Variants in PDE2A observed in about 807,000 individuals in gnomAD.
PDE2A encodes the protein cGMP-dependent 3',5'-cyclic phosphodiesterase.
In PDE2A, 53 loss-of-function variants were observed where a neutral mutation model predicts 133.6. That is an observed-to-expected ratio of 0.40 (90% CI 0.32 to 0.50). PDE2A has a LOEUF of 0.50. Ranked by LOEUF, PDE2A falls within the 20% of genes least tolerant of loss-of-function variation. The pLI, the probability that PDE2A is intolerant of heterozygous loss-of-function variation, is 0.73. For missense variants in PDE2A, 796 were observed against 1,232.4 expected (o/e 0.65, Z 5.30); for synonymous variants, 491 against 490.2 (o/e 1.00, Z -0.02).
Position 72,577,338 on chromosome 11 carries a change from A to G in PDE2A, c.*46T>C, listed in dbSNP as rs1180231232. The G allele has an allele frequency of 5.5e-6, 8 of 1,452,274 alleles. No homozygotes were observed. Among genetic ancestry groups the G allele is most frequent in the African/African-American group, 1.4e-5 (1 of 72,098 alleles). 90.0% of individuals were successfully genotyped at this position (1,452,274 alleles called of 1,614,324 possible). On this transcript the variant is annotated 3_prime_UTR_variant, in exon 31 of 31. Transcript: ENST00000334456. ...CCAGTGCATCTGGCCAGACCAGTGG[A>G]GGGCTGTGGGAGGTGGCCTGGGCAG...
chr11:72,620,314 CCCCAAGG>C (rs1004897600), intron 2 of PDE2A, among the ~76,000 whole-genome samples: 1 of 152,162 alleles, frequency 6.6e-6, no homozygotes, highest in Non-Finnish European at 1.5e-5. Context: ...AGTGCTCCCT[CCCCAAGG>C]CCCAGGAGAA....
intron 2 of PDE2A, among the ~76,000 whole-genome samples, chr11:72,639,835 C>A (rs1214830534): frequency 6.6e-6 from 1 of 152,112 alleles, no homozygotes; most frequent in African/African-American, 2.4e-5. Flanking sequence ...TCTCTAGGGA[C>A]CTGATCAGGA....
intron 2 of PDE2A, chr11:72,631,144 A>G: frequency 6.5e-7 from 1 of 1,544,006 alleles, no homozygotes; most frequent in Non-Finnish European, 8.7e-7. Context: ...GGCTGGCTGC[A>G]GAGACAAGAA....
chr11:72,620,832 G>T (rs1339873089), intron 2 of PDE2A, among the ~76,000 whole-genome samples: 1 of 151,904 alleles, frequency 6.6e-6, no homozygotes, highest in Non-Finnish European at 1.5e-5. Flanking sequence ...GCAGGAGGGG[G>T]TATCGCTGAC....
intron 2 of PDE2A, among the ~76,000 whole-genome samples, chr11:72,631,903 C>G (rs1456843588): frequency 6.6e-6 from 1 of 152,072 alleles, no homozygotes; most frequent in African/African-American, 2.4e-5. Context: ...CAAGCCTACT[C>G]AGGCATCGGA....
At chr11:72,580,047 G>A (rs1343958297) in intron 25 of PDE2A, among the ~76,000 whole-genome samples, 1 of 152,142 alleles carries the variant, frequency 6.6e-6, no homozygotes, top group African/African-American at 2.4e-5. Context: ...GGGGGCAGAG[G>A]GCAGAACCAG....
Position 72,586,155 on chromosome 11 carries a change from A to G in PDE2A, c.1097T>C (p.Ile366Thr). Residue 366 changes from isoleucine to threonine, a missense_variant, in exon 14 of 31, where the codon ATC becomes ACC. Transcript: ENST00000334456. ...DLFTDEDEHV[I>T]QHCFHYTSTV... ...GCTGGTGTAGTGGAAGCAGTGCTGGATCACATGCTCGTCCTCGTCGGTGAA... is the reference window on the plus strand; with the variant it reads ...GCTGGTGTAGTGGAAGCAGTGCTGGGTCACATGCTCGTCCTCGTCGGTGAA... 1 of 1,612,372 alleles carries G rather than the reference A, an allele frequency of 6.2e-7. No homozygotes were observed. Among genetic ancestry groups the G allele is most frequent in the Non-Finnish European group, 8.5e-7 (1 of 1,178,938 alleles).
At chr11:72,658,524 G>GA (rs1854963309) in intron 1 of PDE2A, among the ~76,000 whole-genome samples, 1 of 152,040 alleles carries the variant, frequency 6.6e-6, no homozygotes, top group South Asian at 2.1e-4. Flanking sequence ...GTAGAGATGG[G>GA]ATCTCGCTAA....
At position 72,589,993 on chromosome 11, in the gene PDE2A, A is replaced by G. The variant is rs1333569882; in HGVS notation, c.757-12T>C. 1 of 1,608,384 alleles carries G rather than the reference A, an allele frequency of 6.2e-7. No homozygotes were observed. The highest frequency in any genetic ancestry group is 1.3e-5 in the African/African-American group (1 of 74,846). ...GTCTCCTGCTGCAGCTGAGAGAGGG[A>G]CAGGCAGGGCGAGGGGGTGACCGCG... On this transcript the variant is annotated splice_polypyrimidine_tract_variant and intron_variant, in intron 9 of 30. Transcript: ENST00000334456.
At chr11:72,591,127 G>A (rs1856230674) in intron 7 of PDE2A, 170 bp downstream of exon 7, 1 of 650,148 alleles carries the variant, frequency 1.5e-6, no homozygotes, top group East Asian at 2.5e-5. Context: ...ATTTTCAGGT[G>A]TGAAACTGAG....
intron 16 of PDE2A, 151 bp from the exon 17 acceptor site, chr11:72,585,095 G>T: frequency 4.2e-6 from 3 of 721,850 alleles, no homozygotes; most frequent in Non-Finnish European, 6.9e-6. Flanking sequence ...CTCCAGAAAC[G>T]TGTCCATTCA....
intron 3 of PDE2A, among the ~76,000 whole-genome samples, chr11:72,607,883 G>A (rs1857043504): frequency 6.6e-6 from 1 of 152,184 alleles, no homozygotes; most frequent in South Asian, 2.1e-4. Context: ...GGCTGGATCA[G>A]ACTCCCTTCT....
At position 72,596,611 on chromosome 11, in the gene PDE2A, G is replaced by T; in HGVS notation, c.471C>A (p.Ala157=). The change falls in exon 6 of 31, where the codon GCC becomes GCA. Residue 157 remains alanine (A), a synonymous_variant. Coordinates refer to ENST00000334456, the MANE Select transcript of PDE2A (RefSeq NM_002599.5). ...CTCTTACCAAGATGACAGCTGCCACGGCCCCAGCCTCCTTGTCCGCTAGCG... is the reference window on the plus strand; with the variant it reads ...CTCTTACCAAGATGACAGCTGCCACTGCCCCAGCCTCCTTGTCCGCTAGCG... ...VMPLADKEAG[A]VAAVILVHCG... The T allele has an allele frequency of 6.7e-7, 1 of 1,503,306 alleles. No homozygotes were observed. The highest frequency in any genetic ancestry group is 8.9e-7 in the Non-Finnish European group (1 of 1,117,432). The allele number at this position is 1,503,306 out of a possible 1,614,324, so 93.1% of individuals were successfully genotyped here.
intron 2 of PDE2A, chr11:72,636,173 G>A: frequency 9.1e-7 from 1 of 1,104,624 alleles, no homozygotes; most frequent in Non-Finnish European, 1.1e-6. Flanking sequence ...ACTCTCAAGG[G>A]AGCTGAACAG....
At chr11:72,581,026 C>G in intron 23 of PDE2A, 53 bp from the exon 24 acceptor site, 1 of 1,227,690 alleles carries the variant, frequency 8.1e-7, no homozygotes, top group Non-Finnish European at 1.2e-6. Flanking sequence ...CAGTTCCCTC[C>G]CTAAATCCCC....
In PDE2A at chr11:72,594,517, G is replaced by A. The variant is rs548705623; in HGVS notation, c.489+2076C>T. Among the ~76,000 whole-genome samples the A allele has an allele frequency of 1.0e-3, 154 of 152,170 alleles. 2 individuals carry two copies. Among genetic ancestry groups the A allele is most frequent in the Non-Finnish European group, 5.3e-4 (36 of 68,026 alleles). On this transcript the variant is annotated intron_variant, in intron 6 of 30. Coordinates refer to ENST00000334456, the MANE Select transcript of PDE2A (RefSeq NM_002599.5). ...GTGCAGGCTTAGAGGAGAGGCAGAT[G>A]TGAATAATCTAAACACCTTTCAAGA...
At chr11:72,665,919 A>C (rs1855220527) in intron 1 of PDE2A, among the ~76,000 whole-genome samples, 1 of 151,922 alleles carries the variant, frequency 6.6e-6, no homozygotes, top group Non-Finnish European at 1.5e-5. Flanking sequence ...AACAAAAAAA[A>C]AACACGAAAA....
At chr11:72,639,020 T>C (rs948922840) in intron 2 of PDE2A, among the ~76,000 whole-genome samples, 1 of 152,192 alleles carries the variant, frequency 6.6e-6, no homozygotes, top group African/African-American at 2.4e-5. Context: ...TATGTGACAC[T>C]GCGGCATCGA....
Position 72,651,567 on chromosome 11 carries a change from C to T in PDE2A, c.72-9241G>A, listed in dbSNP as rs77041429. 2.8e-4 allele frequency among the ~76,000 whole-genome samples: 43 copies of T among 152,270 alleles called. No individual in the cohort carries two copies. In the East Asian group the frequency reaches 7.9e-3, roughly 28 times the overall value. ...CCTTAGACAAGTGCCTCCTGGAGACCCCGTTTTCTCACTTCTAAACTGGGG... is the reference window on the plus strand; with the variant it reads ...CCTTAGACAAGTGCCTCCTGGAGACTCCGTTTTCTCACTTCTAAACTGGGG... On this transcript the variant is annotated intron_variant, in intron 1 of 30. Coordinates refer to ENST00000334456, the MANE Select transcript of PDE2A (RefSeq NM_002599.5).
Sources: gnomAD v4.1 joint callset for allele counts (sites outside exome capture counted in the v4.1 genomes callset) on GRCh38, gnomAD v4.1.1 for gene constraint, MANE v1.5 for transcripts, NCBI Gene and HGNC (gene_info 2026-07-23, HGNC 2026-07-21) for gene names.